The following RFTN2 variants were observed in gnomAD, a reference collection of about 807,000 sequenced individuals.
RFTN2 encodes raftlin-2.
Under a neutral mutation model 52.7 loss-of-function variants are expected in RFTN2, and 34 were observed. The observed-to-expected ratio is 0.64, with a 90% confidence interval of 0.49 to 0.86. The LOEUF is 0.86. Among genes scored for constraint, RFTN2 ranks in the 40% least tolerant of loss-of-function variants. The pLI, the probability that RFTN2 is intolerant of heterozygous loss-of-function variation, is 0.00. For missense variants in RFTN2, 536 were observed against 600.1 expected, an observed-to-expected ratio of 0.89 and a Z score of 1.12; for synonymous variants, 203 against 217.7, an observed-to-expected ratio of 0.93 and a Z score of 0.59.
chr2:197,650,812 G>A (rs11690844), intron 1 of RFTN2, among the ~76,000 whole-genome samples: 70,884 of 152,002 alleles, frequency 0.47, 16,911 homozygotes, highest in Middle Eastern at 0.57. Flanking sequence ...ATGCCCAGAA[G>A]TGGGATTGCT....
At chr2:197,618,426 C>T (rs1475243718) in intron 5 of RFTN2, among the ~76,000 whole-genome samples, 5 of 151,998 alleles carry the variant, frequency 3.3e-5, no homozygotes, top group African/African-American at 1.2e-4. Flanking sequence ...GGCATGATCT[C>T]GGCTCGCTAC....
intron 3 of RFTN2, among the ~76,000 whole-genome samples, chr2:197,637,135 G>A (rs1228424918): frequency 0.024 from 3,518 of 149,596 alleles, 110 homozygotes; most frequent in African/African-American, 0.082. Context: ...TGCTGGATTC[G>A]TTTTGCCAGT....
intron 3 of RFTN2, among the ~76,000 whole-genome samples, chr2:197,640,460 C>T (rs570642366): frequency 3.2e-4 from 49 of 151,452 alleles, no homozygotes; most frequent in Admixed American, 1.9e-3. Flanking sequence ...TAAGCCGGTC[C>T]GAAAAGCGCA....
chr2:197,583,309 C>A (rs1256252848), intron 8 of RFTN2, among the ~76,000 whole-genome samples: 1 of 152,218 alleles, frequency 6.6e-6, no homozygotes, highest in Non-Finnish European at 1.5e-5. Context: ...TAAAATACCT[C>A]TTGGTCTGGG....
chr2:197,577,767 G>A (rs1013305368), intron 8 of RFTN2, among the ~76,000 whole-genome samples: 8 of 152,118 alleles, frequency 5.3e-5, no homozygotes, highest in Admixed American at 4.6e-4. Context: ...ACCACCTCCC[G>A]ACTTTTCAGA....
chr2:197,611,533 T>C (rs1038456312), intron 7 of RFTN2, among the ~76,000 whole-genome samples: 3 of 152,212 alleles, frequency 2.0e-5, no homozygotes, highest in Admixed American at 2.0e-4. Context: ...TAGTGGTCTA[T>C]GTATTTTGTT....
chr2:197,646,908 A>AC (rs1559363162), intron 1 of RFTN2, among the ~76,000 whole-genome samples: 12 of 104,546 alleles, frequency 1.1e-4, no homozygotes, highest in African/African-American at 1.5e-4. Context: ...AAAAAAAAAA[A>AC]AAAAAAAAAA....
rs543229450 is a variant in RFTN2, at chr2:197,649,847, A to G, written c.140-3181T>C. On this transcript the variant is annotated intron_variant, in intron 1 of 8. Coordinates refer to ENST00000295049, the MANE Select transcript of RFTN2 (RefSeq NM_144629.3). ...CCTACGAAGTTCAAAGAGGCACTTA[A>G]GTTGCTACTACATATAGATTATTTG... 4.5e-4 allele frequency among the ~76,000 whole-genome samples: 68 copies of G among 152,328 alleles called. 2 individuals are homozygous for G. In the South Asian group the frequency reaches 0.01, roughly 23 times the overall value.
chr2:197,668,172 G>T (rs149873634), intron 1 of RFTN2, among the ~76,000 whole-genome samples: 1 of 152,260 alleles, frequency 6.6e-6, no homozygotes, highest in Admixed American at 6.5e-5. Flanking sequence ...GTCTCTGGAA[G>T]GAGTGTTCAG....
intron 1 of RFTN2, among the ~76,000 whole-genome samples, chr2:197,656,571 A>G (rs910059294): frequency 1.3e-5 from 2 of 152,218 alleles, no homozygotes; most frequent in African/African-American, 4.8e-5. Flanking sequence ...TCCAGCTCTG[A>G]GAAGATAGTT....
At chr2:197,665,450 G>A (rs918803470) in intron 1 of RFTN2, among the ~76,000 whole-genome samples, 4 of 143,262 alleles carry the variant, frequency 2.8e-5, no homozygotes, top group Non-Finnish European at 6.0e-5. Context: ...CCAGTGTTGG[G>A]CGCATATATG....
At chr2:197,591,075 G>A (rs1033023632) in intron 8 of RFTN2, among the ~76,000 whole-genome samples, 3 of 152,136 alleles carry the variant, frequency 2.0e-5, no homozygotes, top group South Asian at 2.1e-4. Flanking sequence ...TGATTGGTCC[G>A]TTTTGACAGA....
chr2:197,605,181 C>T (rs777378586), intron 7 of RFTN2, among the ~76,000 whole-genome samples: 2 of 151,748 alleles, frequency 1.3e-5, no homozygotes, highest in African/African-American at 2.4e-5. Flanking sequence ...CTCCCTCCCC[C>T]TTTACATTTA....
chr2:197,620,477 G>A (rs184415722), intron 5 of RFTN2, among the ~76,000 whole-genome samples: 1 of 152,146 alleles, frequency 6.6e-6, no homozygotes, highest in Admixed American at 6.5e-5. Flanking sequence ...AAATTCTAAA[G>A]GCCTGCAAAC....
intron 8 of RFTN2, among the ~76,000 whole-genome samples, chr2:197,590,276 T>G (rs2087681999): frequency 6.6e-6 from 1 of 152,114 alleles, no homozygotes; most frequent in African/African-American, 2.4e-5. Flanking sequence ...GTTTTCTAGT[T>G]TAACTAAAAT....
intron 1 of RFTN2, among the ~76,000 whole-genome samples, chr2:197,674,826 T>C (rs147725517): frequency 6.6e-6 from 1 of 152,024 alleles, no homozygotes; most frequent in Non-Finnish European, 1.5e-5. Flanking sequence ...TCAAAACTTA[T>C]AGTTTAGTTT....
intron 7 of RFTN2, among the ~76,000 whole-genome samples, chr2:197,597,709 G>C (rs1231352589): frequency 6.6e-6 from 1 of 151,960 alleles, no homozygotes; most frequent in Admixed American, 6.6e-5. Context: ...GCAAAGACGG[G>C]GTTTCTCCAT....
At chr2:197,621,463 G>A (rs2088264623) in intron 5 of RFTN2, among the ~76,000 whole-genome samples, 1 of 135,526 alleles carries the variant, frequency 7.4e-6, no homozygotes, top group African/African-American at 2.8e-5. Context: ...AAGTCTATTA[G>A]TGCCATTTTT....
At chr2:197,595,540 T>A (rs1039277601) in intron 8 of RFTN2, among the ~76,000 whole-genome samples, 2 of 152,194 alleles carry the variant, frequency 1.3e-5, no homozygotes, top group Non-Finnish European at 2.9e-5. Context: ...GGAAGTAAAT[T>A]GTGAGAAGGC....
Sources: allele counts gnomAD v4.1 joint callset (sites outside exome capture counted in the v4.1 genomes callset), GRCh38; gene constraint gnomAD v4.1.1; transcripts MANE v1.5; gene names NCBI Gene and HGNC (gene_info 2026-07-23, HGNC 2026-07-21).